The following PIK3C3 variants were observed in gnomAD, a reference collection of about 807,000 sequenced individuals.
The protein encoded by PIK3C3 is phosphatidylinositol 3-kinase catalytic subunit type 3.
In PIK3C3, 95 loss-of-function variants were observed where a neutral mutation model predicts 126.1. The ratio of observed to expected loss-of-function variants is 0.75; its 90% CI spans 0.64 to 0.89. The LOEUF is 0.89. PIK3C3 is among the 40% of genes least tolerant of loss of function. PIK3C3 has a pLI of 0.00. For missense variants in PIK3C3, 829 were observed against 1,063.2 expected (o/e 0.78, Z 3.06); for synonymous variants, 374 against 360.0 (o/e 1.04, Z -0.44).
chr18:42,024,272 G>A lies in PIK3C3; in HGVS notation c.1485-3171G>A, dbSNP rs1475001851. ...ACAGCTTTCAAAGAAATACCTTAGA[G>A]TGCTTTAGAATCTAGTTTATTGATG... On this transcript the variant is annotated intron_variant, in intron 13 of 24. Coordinates refer to ENST00000262039, the MANE Select transcript of PIK3C3 (RefSeq NM_002647.4). Among the ~76,000 whole-genome samples, 4 of 152,168 alleles carry A rather than the reference G, an allele frequency of 2.6e-5. No homozygotes were observed. The East Asian group carries it at 7.7e-4, about 29-fold the overall frequency.
intron 9 of PIK3C3, among the ~76,000 whole-genome samples, chr18:41,999,369 T>C (rs1437673850): frequency 1.3e-5 from 2 of 152,174 alleles, no homozygotes; most frequent in Non-Finnish European, 1.5e-5. Context: ...ATTAACTCCA[T>C]GCCTTTTGAT....
chr18:42,045,847 A>G (rs927951348), intron 20 of PIK3C3, among the ~76,000 whole-genome samples: 32 of 152,176 alleles, frequency 2.1e-4, no homozygotes, highest in Non-Finnish European at 4.1e-4. Flanking sequence ...TAGCATAGTT[A>G]TTGTAAACCT....
chr18:41,966,096 A>C (rs1980346448), intron 3 of PIK3C3, among the ~76,000 whole-genome samples: 1 of 151,734 alleles, frequency 6.6e-6, no homozygotes, highest in South Asian at 2.1e-4. Flanking sequence ...TATCTCACTT[A>C]GAGCTTGATT....
chr18:42,064,648 C>A, intron 22 of PIK3C3, 92 bp from the exon 23 acceptor site: 2 of 653,962 alleles, frequency 3.1e-6, no homozygotes, highest in East Asian at 2.7e-5. Context: ...TGTAGAAATC[C>A]AAGTACCACT....
chr18:41,991,074 T>C (rs972366961), intron 6 of PIK3C3, among the ~76,000 whole-genome samples: 2 of 152,190 alleles, frequency 1.3e-5, no homozygotes, highest in Non-Finnish European at 2.9e-5. Context: ...ATAACAAATA[T>C]GCAGTTATAG....
chr18:42,065,022 GAA>G (rs1468789487), intron 23 of PIK3C3, among the ~76,000 whole-genome samples, 192 bp downstream of exon 23: 2 of 152,138 alleles, frequency 1.3e-5, no homozygotes, highest in Admixed American at 1.3e-4. Flanking sequence ...CAGGGAGGAG[GAA>G]GCAGCAGCCC....
At chr18:42,063,979 T>C (rs901863554) in intron 22 of PIK3C3, among the ~76,000 whole-genome samples, 3 of 152,126 alleles carry the variant, frequency 2.0e-5, no homozygotes, top group Non-Finnish European at 4.4e-5. Context: ...CTACCCAAAG[T>C]GGAGAGGTCC....
At chr18:41,974,408 A>G (rs918378514) in intron 4 of PIK3C3, among the ~76,000 whole-genome samples, 2 of 152,210 alleles carry the variant, frequency 1.3e-5, no homozygotes, top group Non-Finnish European at 2.9e-5. Context: ...TTTTGTGAAC[A>G]TGCCTAGTTT....
intron 21 of PIK3C3, chr18:42,050,674 A>G (rs1221625325): frequency 6.6e-6 from 1 of 152,234 alleles, no homozygotes; most frequent in African/African-American, 2.4e-5. Flanking sequence ...AAAATAGATC[A>G]TGAAGTTACC....
rs972311929 is a variant in PIK3C3 at position 42,037,825 on chromosome 18, A to G, written c.1968+5A>G. The stretch of plus-strand genomic sequence containing the variant: ...ATCATTTCACTCATGGACAAGGTGA[A>G]CATGACCTTATGTTGGTGGGGAACA... On this transcript the variant is annotated splice_donor_5th_base_variant and intron_variant, in intron 17 of 24. Transcript: ENST00000262039. 9 of 1,603,806 alleles carry G rather than the reference A, an allele frequency of 5.6e-6. No homozygotes were observed. In the African/African-American group the frequency reaches 1.2e-4, roughly 21 times the overall value.
At chr18:42,025,513 T>C (rs945592970) in intron 13 of PIK3C3, 1 of 152,258 alleles carries the variant, frequency 6.6e-6, no homozygotes, top group African/African-American at 2.4e-5. Context: ...GATTCAAACA[T>C]TTGTTTCCTG....
chr18:42,075,265 T>A (rs1259451686), intron 24 of PIK3C3, among the ~76,000 whole-genome samples: 1 of 152,150 alleles, frequency 6.6e-6, no homozygotes, highest in East Asian at 1.9e-4. Context: ...AAGTATTGAT[T>A]TGGGGGTCAA....
chr18:41,985,497 C>T (rs994383428), intron 4 of PIK3C3, among the ~76,000 whole-genome samples: 11 of 152,210 alleles, frequency 7.2e-5, no homozygotes, highest in East Asian at 1.9e-4. Context: ...CGGTTTTGCA[C>T]TCAACAATAT....
chr18:41,957,720 A>G lies in PIK3C3; in HGVS notation c.219A>G (p.Pro73=), dbSNP rs1224222032. 4 of 1,613,322 alleles carry G rather than the reference A, an allele frequency of 2.5e-6. No individual in the cohort carries two copies. The highest frequency in any genetic ancestry group is 2.7e-5 in the African/African-American group (2 of 74,890). Residue 73 remains proline, a synonymous_variant, in exon 2 of 25, where the codon CCA becomes CCG. Transcript: ENST00000262039. ...CAGAAGGGAAGCCTTTGGCCTTGCCAGTGAGAACATCCTACAAAGCATTTA... is the reference window on the plus strand; with the variant it reads ...CAGAAGGGAAGCCTTTGGCCTTGCCGGTGAGAACATCCTACAAAGCATTTA... ...VFAEGKPLAL[P]VRTSYKAFST...
chr18:41,984,270 G>T (rs1215882512), intron 4 of PIK3C3, among the ~76,000 whole-genome samples: 1 of 151,834 alleles, frequency 6.6e-6, no homozygotes, highest in African/African-American at 2.4e-5. Context: ...TTCATTTTTG[G>T]TCTTTAGTAT....
intron 4 of PIK3C3, among the ~76,000 whole-genome samples, chr18:41,984,356 G>T (rs1337113811): frequency 6.6e-6 from 1 of 152,084 alleles, no homozygotes; most frequent in South Asian, 2.1e-4. Flanking sequence ...TATCTACATT[G>T]TTATCAGCAC....
chr18:42,020,830 TTATATC>T, intron 13 of PIK3C3, 125 bp downstream of exon 13: 1 of 600,816 alleles, frequency 1.7e-6, no homozygotes, highest in East Asian at 2.9e-5. Context: ...GATATAGTAT[TTATATC>T]TAACTGTATT....
chr18:41,994,448 CT>C (rs1464413605), intron 7 of PIK3C3, among the ~76,000 whole-genome samples: 2 of 152,068 alleles, frequency 1.3e-5, no homozygotes, highest in African/African-American at 4.8e-5. Flanking sequence ...TAAATGTAAA[CT>C]TTGGGTGGGA....
intron 21 of PIK3C3, chr18:42,053,148 A>G (rs544078420): frequency 1.3e-5 from 2 of 152,288 alleles, no homozygotes; most frequent in Admixed American, 6.5e-5. Flanking sequence ...CAGACAAACT[A>G]TTCTACCCTG....
Sources: gnomAD v4.1 joint callset for allele counts (sites outside exome capture counted in the v4.1 genomes callset) on GRCh38, gnomAD v4.1.1 for gene constraint, MANE v1.5 for transcripts, NCBI Gene and HGNC (gene_info 2026-07-23, HGNC 2026-07-21) for gene names.